The following YWHAH variants were observed in gnomAD, a reference collection of about 807,000 sequenced individuals.
The protein encoded by YWHAH is 14-3-3 protein eta.
YWHAH carries 6 observed loss-of-function variants against 22.9 expected under a neutral mutation model. The ratio of observed to expected loss-of-function variants is 0.26; its 90% CI spans 0.14 to 0.52. The LOEUF (loss-of-function observed/expected upper bound fraction) is 0.52, where lower values mean the gene tolerates loss of function less well. Among genes scored for constraint, YWHAH ranks in the 20% least tolerant of loss-of-function variants. YWHAH has a pLI of 0.97. For synonymous variants in YWHAH, 135 were observed against 124.5 expected (o/e 1.08, Z -0.56); for missense variants, 173 against 308.6 (o/e 0.56, Z 3.29).
intron 1 of YWHAH, chr22:31,945,351 G>T: frequency 1.6e-6 from 2 of 1,256,798 alleles, no homozygotes; most frequent in Non-Finnish European, 2.1e-6. Flanking sequence ...ACGCCTGGGG[G>T]TCTGGCTTTG....
chr22:31,945,661 C>T (rs1173716594), intron 1 of YWHAH: 2 of 1,272,290 alleles, frequency 1.6e-6, no homozygotes, highest in Admixed American at 2.4e-5. Context: ...TCTCTCTCCA[C>T]GTTATTTTAC....
At chr22:31,955,043 T>C (rs1256961760) in intron 1 of YWHAH, among the ~76,000 whole-genome samples, 1 of 152,218 alleles carries the variant, frequency 6.6e-6, no homozygotes, top group African/African-American at 2.4e-5. Context: ...GAAATTTAAC[T>C]CTTCCACTTA....
intron 1 of YWHAH, among the ~76,000 whole-genome samples, chr22:31,950,820 T>A (rs1045783495): frequency 3.9e-5 from 6 of 152,170 alleles, no homozygotes; most frequent in Non-Finnish European, 8.8e-5. Context: ...TCTTTCCAGC[T>A]TGGGGCAGGC....
chr22:31,949,405 A>G (rs550917058), intron 1 of YWHAH, among the ~76,000 whole-genome samples: 58 of 152,120 alleles, frequency 3.8e-4, no homozygotes, highest in African/African-American at 1.4e-3. Flanking sequence ...CGGCCTCCCA[A>G]AGTACTGGGA....
chr22:31,953,590 TACTG>T (rs2093846018), intron 1 of YWHAH, among the ~76,000 whole-genome samples: 1 of 152,222 alleles, frequency 6.6e-6, no homozygotes, highest in African/African-American at 2.4e-5. Flanking sequence ...TAAAGGCACT[TACTG>T]GAGGAGGAAA....
At chr22:31,946,660 T>C (rs1416130962) in intron 1 of YWHAH, among the ~76,000 whole-genome samples, 2 of 152,188 alleles carry the variant, frequency 1.3e-5, no homozygotes, top group African/African-American at 4.8e-5. Flanking sequence ...ATCAGAAACC[T>C]GAGGCAACTT....
intron 1 of YWHAH, chr22:31,945,373 C>T (rs1486791463): frequency 1.6e-6 from 2 of 1,281,888 alleles, no homozygotes; most frequent in African/African-American, 1.5e-5. Context: ...GTGCGAAGAC[C>T]CCTTTCCTGC....
chr22:31,945,636 C>G, intron 1 of YWHAH: 1 of 1,292,526 alleles, frequency 7.7e-7, no homozygotes, highest in Non-Finnish European at 1.0e-6. Flanking sequence ...TTCTGAGTTC[C>G]GGTTACCATC....
Position 31,944,745 on chromosome 22 carries a change from G to C in YWHAH, c.12G>C (p.Arg4=), listed in dbSNP as rs1399798233. The part of the protein sequence containing the change: MGD[R]EQLLQRARLA... ...GAGCCGCGAGCGACATGGGGGACCGGGAGCAGCTGCTGCAGCGGGCGCGGC... is the reference window on the plus strand; with the variant it reads ...GAGCCGCGAGCGACATGGGGGACCGCGAGCAGCTGCTGCAGCGGGCGCGGC... Residue 4 remains arginine, a synonymous_variant, in exon 1 of 2, where the codon CGG becomes CGC. Coordinates refer to ENST00000248975, the MANE Select transcript of YWHAH (RefSeq NM_003405.4). The C allele has an allele frequency of 1.4e-6, 2 of 1,415,468 alleles. No homozygotes were observed. Among genetic ancestry groups the C allele is most frequent in the Non-Finnish European group, 1.9e-6 (2 of 1,078,232 alleles). The allele number at this position is 1,415,468 out of a possible 1,614,324, so 87.7% of individuals were successfully genotyped here.
chr22:31,955,439 C>CTTTTTTTT (rs60830862), intron 1 of YWHAH, among the ~76,000 whole-genome samples: 5 of 126,728 alleles, frequency 3.9e-5, no homozygotes, highest in Non-Finnish European at 6.6e-5. Context: ...TTCAGAGTAT[C>CTTTTTTTT]TTTTTTTTTT....
intron 1 of YWHAH, among the ~76,000 whole-genome samples, chr22:31,953,447 C>G (rs1183577608): frequency 6.6e-6 from 1 of 152,194 alleles, no homozygotes; most frequent in East Asian, 1.9e-4. Context: ...TTTTGACATG[C>G]AGGTGTGAGA....
intron 1 of YWHAH, among the ~76,000 whole-genome samples, chr22:31,948,533 C>T (rs182850101): frequency 8.2e-4 from 124 of 152,116 alleles, no homozygotes; most frequent in Middle Eastern, 3.4e-3. Context: ...TGCATGCCAC[C>T]GTGCCCAGCT....
At chr22:31,945,367 G>C (rs1478900757) in intron 1 of YWHAH, 2 of 1,274,084 alleles carry the variant, frequency 1.6e-6, no homozygotes, top group Non-Finnish European at 2.1e-6. Flanking sequence ...CTTTGTGTGC[G>C]AAGACCCCTT....
At position 31,944,725 on chromosome 22, in the gene YWHAH, G is replaced by A. The variant is rs1415434023; in HGVS notation, c.-9G>A. ...GTGAGGCGCGAGGCGAGGCCGAGCC[G>A]CGAGCGACATGGGGGACCGGGAGCA... On this transcript the variant is annotated 5_prime_UTR_variant, in exon 1 of 2. Transcript: ENST00000248975. 2 of 1,394,094 alleles carry A rather than the reference G, an allele frequency of 1.4e-6. No individual in the cohort carries two copies. The highest frequency in any genetic ancestry group is 3.3e-5 in the East Asian group (1 of 29,928). 86.4% of individuals were successfully genotyped at this position (1,394,094 alleles called of 1,614,324 possible). A position where few individuals can be genotyped will look rare whatever the true frequency, so the allele number is the denominator to read the frequency against.
intron 1 of YWHAH, chr22:31,945,660 A>G: frequency 7.9e-7 from 1 of 1,271,092 alleles, no homozygotes; most frequent in Non-Finnish European, 1.0e-6. Context: ...CTCTCTCTCC[A>G]CGTTATTTTA....
chr22:31,945,635 C>T, intron 1 of YWHAH: 1 of 1,293,516 alleles, frequency 7.7e-7, no homozygotes, highest in Non-Finnish European at 1.0e-6. Flanking sequence ...TTTCTGAGTT[C>T]CGGTTACCAT....
chr22:31,945,672 G>A (rs1008793414), intron 1 of YWHAH: 1 of 1,265,918 alleles, frequency 7.9e-7, no homozygotes, highest in African/African-American at 1.5e-5. Context: ...GTTATTTTAC[G>A]TTTTCTGTAA....
Position 31,945,066 on chromosome 22 carries a change from G to A in YWHAH, c.87+246G>A, listed in dbSNP as rs13056004. ...CGGGATCGCGAAGGCAGCCCCGGAA[G>A]GGGGGCGGGCCGGTCGGGGTCGCCA... On this transcript the variant is annotated intron_variant, in intron 1 of 1. Transcript: ENST00000248975. 4 of 1,104,678 alleles carry A rather than the reference G, an allele frequency of 3.6e-6. No individual in the cohort carries two copies. The African/African-American group carries it at 5.0e-5, about 14-fold the overall frequency. 68.4% of individuals were successfully genotyped at this position (1,104,678 alleles called of 1,614,324 possible). A position where few individuals can be genotyped will look rare whatever the true frequency, so the allele number is the denominator to read the frequency against.
chr22:31,946,409 CCACAGCAGGT>C lies in YWHAH; in HGVS notation c.87+1594_87+1603del, dbSNP rs534462489. Among the ~76,000 whole-genome samples, 337 of 152,238 alleles carry C rather than the reference CCACAGCAGGT, an allele frequency of 2.2e-3. 1 individual carries two copies. Among genetic ancestry groups the C allele is most frequent in the Admixed American group, 3.5e-3 (54 of 15,278 alleles). On this transcript the variant is annotated intron_variant, in intron 1 of 1. Transcript: ENST00000248975. Reference sequence around the variant, plus strand: ...TTCTGTGGGATAAAGCTGCCTCTGTCCACAGCAGGTCACACTTAAGCCCCTCCTCCCCAGT... The same window carrying C: ...TTCTGTGGGATAAAGCTGCCTCTGTCCACACTTAAGCCCCTCCTCCCCAGT...
Sources: allele counts gnomAD v4.1 joint callset (sites outside exome capture counted in the v4.1 genomes callset), GRCh38; gene constraint gnomAD v4.1.1; transcripts MANE v1.5; gene names NCBI Gene and HGNC (gene_info 2026-07-23, HGNC 2026-07-21).